CDK14: variants seen among roughly 807,000 people sequenced by gnomAD.
CDK14 encodes cyclin-dependent kinase 14.
In CDK14, 34 loss-of-function variants were observed where a neutral mutation model predicts 60.7. That is an observed-to-expected ratio of 0.56 (90% confidence interval 0.43 to 0.75). The LOEUF (loss-of-function observed/expected upper bound fraction) is 0.75. Among genes scored for constraint, CDK14 ranks in the 30% least tolerant of loss-of-function variants. The probability of loss-of-function intolerance (pLI) is 0.00; values close to 1 mark genes in which losing one functional copy is unlikely to be tolerated. For synonymous variants in CDK14, 197 were observed against 203.7 expected, an observed-to-expected ratio of 0.97 and a Z score of 0.28; for missense variants, 482 against 564.1, an observed-to-expected ratio of 0.85 and a Z score of 1.47.
chr7:90,983,784 G>C (rs1371558975), intron 9 of CDK14, among the ~76,000 whole-genome samples: 1 of 152,022 alleles, frequency 6.6e-6, no homozygotes, highest in Non-Finnish European at 1.5e-5. Context: ...ACCAAATACT[G>C]CATGTTGTCA....
At chr7:90,921,180 C>T (rs1584125518) in intron 8 of CDK14, among the ~76,000 whole-genome samples, 1 of 152,118 alleles carries the variant, frequency 6.6e-6, no homozygotes, top group Non-Finnish European at 1.5e-5. Flanking sequence ...CCTTTTATAG[C>T]CCGTGTCCTC....
chr7:90,989,942 A>G (rs564916536), intron 10 of CDK14, among the ~76,000 whole-genome samples: 1 of 152,308 alleles, frequency 6.6e-6, no homozygotes, highest in South Asian at 2.1e-4. Flanking sequence ...AAGAAAGTAT[A>G]AGATTTTGAA....
At chr7:90,765,424 C>T (rs1406021519) in intron 4 of CDK14, among the ~76,000 whole-genome samples, 4 of 151,968 alleles carry the variant, frequency 2.6e-5, no homozygotes, top group Admixed American at 6.6e-5. Flanking sequence ...ATATTTAGAG[C>T]TGGGCAAAGA....
At chr7:91,094,837 C>A (rs1190028060) in intron 12 of CDK14, among the ~76,000 whole-genome samples, 1 of 152,170 alleles carries the variant, frequency 6.6e-6, no homozygotes. Flanking sequence ...GACTACCCTT[C>A]ATTAGCACCC....
At chr7:91,105,611 C>T (rs1799268896) in intron 12 of CDK14, among the ~76,000 whole-genome samples, 1 of 152,120 alleles carries the variant, frequency 6.6e-6, no homozygotes, top group Non-Finnish European at 1.5e-5. Context: ...TCAATCCAGG[C>T]CTCTCAGGTT....
At chr7:91,166,933 A>G (rs1386611136) in intron 14 of CDK14, among the ~76,000 whole-genome samples, 1 of 152,234 alleles carries the variant, frequency 6.6e-6, no homozygotes, top group Admixed American at 6.5e-5. Flanking sequence ...TCCAGAAAAG[A>G]GGAATATTTT....
intron 2 of CDK14, chr7:90,710,592 C>T (rs1225267889): frequency 2.1e-6 from 2 of 958,588 alleles, no homozygotes; most frequent in Non-Finnish European, 2.5e-6. Flanking sequence ...CATCATTACA[C>T]CTGTAGTGGT....
chr7:91,062,527 C>A (rs1017309451), intron 11 of CDK14, among the ~76,000 whole-genome samples: 1 of 152,006 alleles, frequency 6.6e-6, no homozygotes, highest in African/African-American at 2.4e-5. Flanking sequence ...TGTTCCTATT[C>A]GGCCATCTTG....
At chr7:90,856,827 T>C (rs1052347725) in intron 5 of CDK14, among the ~76,000 whole-genome samples, 15 of 151,986 alleles carry the variant, frequency 9.9e-5, no homozygotes, top group Non-Finnish European at 2.2e-4. Flanking sequence ...AAAAAGTTGA[T>C]GTTTGTTGTG....
rs144186128 is a variant in CDK14, at chr7:90,709,884, G to A, written c.124-16683G>A. On this transcript the variant is annotated intron_variant, in intron 2 of 14. Coordinates refer to ENST00000380050, the MANE Select transcript of CDK14 (RefSeq NM_001287135.2). ...TTCAGTTGCTGTATGAGCCTGGCCT[G>A]GTGCAAACACATTGCTAGAGACATG... The A allele has an allele frequency of 7.4e-5, 97 of 1,315,684 alleles. No individual in the cohort carries two copies. In the African/African-American group the frequency reaches 1.3e-3, roughly 18 times the overall value. The allele number at this position is 1,315,684 out of a possible 1,614,324, so 81.5% of individuals were successfully genotyped here. A position where few individuals can be genotyped will look rare whatever the true frequency, so the allele number is the denominator to read the frequency against.
intron 14 of CDK14, among the ~76,000 whole-genome samples, chr7:91,179,576 G>A (rs1270400945): frequency 2.0e-5 from 3 of 152,010 alleles, no homozygotes; most frequent in Non-Finnish European, 2.9e-5. Flanking sequence ...GCCGAGGTGG[G>A]CGGATCACGA....
At chr7:90,977,669 T>C (rs184129158) in intron 9 of CDK14, among the ~76,000 whole-genome samples, 41 of 152,230 alleles carry the variant, frequency 2.7e-4, no homozygotes, top group Middle Eastern at 6.8e-3. Context: ...TTGCCAGTTT[T>C]CTCCATTGTA....
intron 12 of CDK14, among the ~76,000 whole-genome samples, chr7:91,111,846 A>G (rs1207965259): frequency 1.3e-5 from 2 of 152,184 alleles, no homozygotes; most frequent in East Asian, 3.8e-4. Context: ...AGCTGGACTG[A>G]GAAGTGCTGC....
intron 3 of CDK14, among the ~76,000 whole-genome samples, chr7:90,739,542 C>T (rs969849819): frequency 6.6e-6 from 1 of 151,974 alleles, no homozygotes; most frequent in Non-Finnish European, 1.5e-5. Context: ...GTGAATATAT[C>T]GTTTTTAGAA....
chr7:90,783,238 T>A, intron 4 of CDK14, among the ~76,000 whole-genome samples: 1 of 152,184 alleles, frequency 6.6e-6, no homozygotes, highest in Non-Finnish European at 1.5e-5. Flanking sequence ...CCTTCCCTCA[T>A]TTCATTAAAT....
chr7:91,109,906 G>A (rs1356803353), intron 12 of CDK14, among the ~76,000 whole-genome samples: 1 of 152,004 alleles, frequency 6.6e-6, no homozygotes, highest in Non-Finnish European at 1.5e-5. Context: ...ACCAAGAAGA[G>A]ATAATAGTGC....
intron 2 of CDK14, among the ~76,000 whole-genome samples, chr7:90,721,146 T>G (rs1802436526): frequency 1.3e-5 from 2 of 152,152 alleles, no homozygotes; most frequent in Non-Finnish European, 2.9e-5. Context: ...ACCCACCTGG[T>G]CTGCTGCCAT....
chr7:90,654,965 T>C (rs532304377), intron 2 of CDK14, among the ~76,000 whole-genome samples: 2 of 152,330 alleles, frequency 1.3e-5, no homozygotes, highest in East Asian at 3.9e-4. Context: ...AAAAATTCCC[T>C]GTGCTTCACC....
intron 2 of CDK14, among the ~76,000 whole-genome samples, chr7:90,611,041 G>C (rs764371473): frequency 1.3e-5 from 2 of 152,090 alleles, no homozygotes; most frequent in Non-Finnish European, 2.9e-5. Context: ...CTCAGAGGGG[G>C]TTTTGTCCTT....
Sources: gnomAD v4.1 joint callset for allele counts (sites outside exome capture counted in the v4.1 genomes callset) on GRCh38, gnomAD v4.1.1 for gene constraint, MANE v1.5 for transcripts, NCBI Gene and HGNC (gene_info 2026-07-23, HGNC 2026-07-21) for gene names.